The following USP34 variants were observed in gnomAD, a reference collection of about 807,000 sequenced individuals.
USP34 encodes the protein ubiquitin specific peptidase 34, also known as ubiquitin carboxyl-terminal hydrolase 34.
A neutral mutation model predicts 460.3 loss-of-function variants in USP34; 70 were observed. The ratio of observed to expected loss-of-function variants is 0.15; its 90% CI spans 0.13 to 0.19. The LOEUF is 0.19. Ranked by LOEUF, USP34 falls within the 10% of genes least tolerant of loss-of-function variation. The pLI, the probability that USP34 is intolerant of heterozygous loss-of-function variation, is 1.00. For synonymous variants in USP34, 1,647 were observed against 1,405.3 expected (o/e 1.17, Z -3.85); for missense variants, 3,985 against 4,236.2 (o/e 0.94, Z 1.65).
At chr2:61,399,065 TCTC>T (rs1178388391) in intron 3 of USP34, among the ~76,000 whole-genome samples, 1 of 151,972 alleles carries the variant, frequency 6.6e-6, no homozygotes, top group African/African-American at 2.4e-5. Flanking sequence ...AGCTAAAAAA[TCTC>T]CTAACGGCCG....
intron 5 of USP34, among the ~76,000 whole-genome samples, chr2:61,383,630 A>AC (rs1169906989): frequency 6.7e-6 from 1 of 149,718 alleles, no homozygotes; most frequent in African/African-American, 2.5e-5. Context: ...TTGAACCCCC[A>AC]CCCCCGGGGG....
In USP34 at chr2:61,214,583, G is replaced by T. The variant is rs756038115; in HGVS notation, c.8159C>A (p.Thr2720Lys). Residue 2720 changes from threonine to lysine, a missense_variant, in exon 68 of 80, where the codon ACA becomes AAA. Coordinates refer to ENST00000398571, the MANE Select transcript of USP34 (RefSeq NM_014709.4). ...GTAGACCTGATGTAGGACTACTGTTGTGTCTGGACTGAGTGGAAGGTCACG... is the reference window on the plus strand; with the variant it reads ...GTAGACCTGATGTAGGACTACTGTTTTGTCTGGACTGAGTGGAAGGTCACG... The part of the protein sequence containing the change: ...PTRDLPLSPD[T>K]TVVLHQVYNV... 2 of 1,613,846 alleles carry T rather than the reference G, an allele frequency of 1.2e-6. No individual in the cohort carries two copies. Among genetic ancestry groups the T allele is most frequent in the African/African-American group, 1.3e-5 (1 of 74,942 alleles).
Position 61,236,213 on chromosome 2 carries a change from C to T in USP34, c.6866G>A (p.Cys2289Tyr), listed in dbSNP as rs1309703712. ...YFGFMWQLCSCIPSTLPDPKA... is the reference protein window; with the variant it reads ...YFGFMWQLCSYIPSTLPDPKA... ...AGGATCTGGTAATGTACTGGGAATACAACTACACAATTGCCACATAAATCT... is the reference window on the plus strand; with the variant it reads ...AGGATCTGGTAATGTACTGGGAATATAACTACACAATTGCCACATAAATCT... The change falls in exon 55 of 80, where the codon TGT (cysteine) becomes TAT (tyrosine). Residue 2289 changes from cysteine (C) to tyrosine (Y), a missense_variant. By Grantham distance (194) the Cys-to-Tyr change is radical (BLOSUM62 -2). Transcript: ENST00000398571. 2 of 1,611,290 alleles carry T rather than the reference C, an allele frequency of 1.2e-6. No homozygotes were observed. The highest frequency in any genetic ancestry group is 4.5e-5 in the East Asian group (2 of 44,726).
At chr2:61,454,314 G>C (rs1695369043) in intron 1 of USP34, among the ~76,000 whole-genome samples, 3 of 152,090 alleles carry the variant, frequency 2.0e-5, no homozygotes, top group Admixed American at 1.3e-4. Flanking sequence ...AGTAGAGATA[G>C]GGTTTTACCA....
chr2:61,378,285 C>T (rs1260646156), intron 8 of USP34, 78 bp downstream of exon 8: 3 of 1,113,160 alleles, frequency 2.7e-6, no homozygotes, highest in East Asian at 5.5e-5. Context: ...AATTTTAAAT[C>T]TAAAAATTAG....
At chr2:61,365,058 C>T (rs898558260) in intron 10 of USP34, among the ~76,000 whole-genome samples, 1 of 152,062 alleles carries the variant, frequency 6.6e-6, no homozygotes, top group Non-Finnish European at 1.5e-5. Context: ...TTGAGACCAG[C>T]CTGACCAACA....
chr2:61,364,798 C>T (rs1331055572), intron 10 of USP34, among the ~76,000 whole-genome samples: 4 of 151,770 alleles, frequency 2.6e-5, no homozygotes, highest in Admixed American at 1.3e-4. Flanking sequence ...TGTGGTGGTG[C>T]GCACGTCTGT....
At chr2:61,446,124 A>C (rs1695109066) in intron 1 of USP34, among the ~76,000 whole-genome samples, 1 of 151,520 alleles carries the variant, frequency 6.6e-6, no homozygotes, top group Non-Finnish European at 1.5e-5. Context: ...AAAAAAAAAA[A>C]AAAAAAAAAA....
rs1055935213 is a variant in USP34, at chr2:61,405,981, C to G, written c.279G>C (p.Thr93=). Reference sequence around the variant, plus strand: ...CTGCTTGATTACTCTCATCTTGCCACGTGGAATCTATGTTAATGGTAGTAC... The same window carrying G: ...CTGCTTGATTACTCTCATCTTGCCAGGTGGAATCTATGTTAATGGTAGTAC... ...KHCTTINIDS[T]WQDESNQAEE... is the part of the protein sequence containing the mutation. The change falls in exon 3 of 80, where the codon ACG becomes ACC. Residue 93 remains threonine, a synonymous_variant. Transcript: ENST00000398571. The G allele has an allele frequency of 6.2e-7, 1 of 1,613,404 alleles. No individual in the cohort carries two copies. The highest frequency in any genetic ancestry group is 1.3e-5 in the African/African-American group (1 of 74,732).
intron 5 of USP34, among the ~76,000 whole-genome samples, chr2:61,385,238 T>A (rs1276378309): frequency 2.6e-5 from 4 of 152,070 alleles, no homozygotes; most frequent in African/African-American, 9.7e-5. Flanking sequence ...AACATGTAAA[T>A]AAGGAGACAT....
At chr2:61,290,644 T>C (rs1398859598) in intron 33 of USP34, among the ~76,000 whole-genome samples, 1 of 152,010 alleles carries the variant, frequency 6.6e-6, no homozygotes, top group Admixed American at 6.6e-5. Context: ...GGAAGAAAAA[T>C]TAATAGCAAA....
chr2:61,292,080 T>C (rs1403563758), intron 33 of USP34, among the ~76,000 whole-genome samples: 1 of 152,158 alleles, frequency 6.6e-6, no homozygotes, highest in Non-Finnish European at 1.5e-5. Context: ...GGGAGGTTTC[T>C]TTTGAAGGGA....
intron 75 of USP34, among the ~76,000 whole-genome samples, chr2:61,198,374 A>C (rs553207472): frequency 1.7e-4 from 26 of 152,276 alleles, no homozygotes; most frequent in Middle Eastern, 3.4e-3. Flanking sequence ...CCAAGCTCCT[A>C]CTGATAGACA....
chr2:61,421,281 G>C lies in USP34; in HGVS notation c.44-448C>G, dbSNP rs1694348522. 2.0e-5 allele frequency among the ~76,000 whole-genome samples: 3 copies of C among 152,242 alleles called. No homozygotes were observed. The South Asian group carries it at 6.2e-4, about 32-fold the overall frequency. On this transcript the variant is annotated intron_variant, in intron 1 of 79. Coordinates refer to ENST00000398571, the MANE Select transcript of USP34 (RefSeq NM_014709.4). ...TCCAGCCTCCAGCTTAGTATTCCAA[G>C]AACCAGTCTCATGGTACTCCTCTCA...
chr2:61,263,777 C>A (rs1449555481), intron 43 of USP34, among the ~76,000 whole-genome samples: 1 of 152,140 alleles, frequency 6.6e-6, no homozygotes, highest in Admixed American at 6.5e-5. Context: ...CCACCACACC[C>A]CACACGCAGC....
At chr2:61,398,299 C>G (rs1435667027) in intron 3 of USP34, among the ~76,000 whole-genome samples, 1 of 151,804 alleles carries the variant, frequency 6.6e-6, no homozygotes, top group African/African-American at 2.4e-5. Flanking sequence ...CTTGGGAGGT[C>G]TAGGCTGCAA....
In USP34 at chr2:61,338,215, G is replaced by C. The variant is rs1386900057; in HGVS notation, c.2744+1136C>G. Among the ~76,000 whole-genome samples, 4 of 152,292 alleles carry C rather than the reference G, an allele frequency of 2.6e-5. No homozygotes were observed. In the East Asian group the frequency reaches 7.7e-4, roughly 29 times the overall value. On this transcript the variant is annotated intron_variant, in intron 18 of 79. Coordinates refer to ENST00000398571, the MANE Select transcript of USP34 (RefSeq NM_014709.4). ...AGGTGCCTGTAATCCCAGCTACTCA[G>C]GAGGCTGAGGTGGGAGAATCGCTTG...
intron 67 of USP34, among the ~76,000 whole-genome samples, chr2:61,216,643 G>A (rs1687405067): frequency 6.6e-6 from 1 of 151,682 alleles, no homozygotes; most frequent in Admixed American, 6.6e-5. Context: ...ATTTGGCTGG[G>A]TACGGTGACT....
Position 61,405,713 on chromosome 2 carries a change from T to C in USP34, c.547A>G (p.Ile183Val), listed in dbSNP as rs200129537. 7.1e-5 allele frequency: 109 copies of C among 1,540,870 alleles called. No homozygotes were observed. The highest frequency in any genetic ancestry group is 4.5e-5 in the East Asian group (2 of 44,338). ...ACACCACCTATTTTACATACCTCAATAGTAGGGTGAGTATTATGCTTGTAA... is the reference window on the plus strand; with the variant it reads ...ACACCACCTATTTTACATACCTCAACAGTAGGGTGAGTATTATGCTTGTAA... ...TAYKHNTHPT[I>V]EDISTQESNI... Residue 183 changes from isoleucine to valine, a missense_variant, in exon 3 of 80, where the codon ATT becomes GTT. By Grantham distance (29) the Ile-to-Val change is conservative (BLOSUM62 3). Coordinates refer to ENST00000398571, the MANE Select transcript of USP34 (RefSeq NM_014709.4).
Sources: allele counts gnomAD v4.1 joint callset (sites outside exome capture counted in the v4.1 genomes callset), GRCh38; gene constraint gnomAD v4.1.1; transcripts MANE v1.5; gene names NCBI Gene and HGNC (gene_info 2026-07-23, HGNC 2026-07-21).